The following F9 variants were observed in gnomAD, a reference collection of about 807,000 sequenced individuals.
The protein encoded by F9 is coagulation factor IX, also known as Christmas factor.
Under a neutral mutation model 34.1 loss-of-function variants are expected in F9, and 2 were observed. That is an observed-to-expected ratio of 0.06 (90% confidence interval 0.02 to 0.18). The LOEUF (loss-of-function observed/expected upper bound fraction) is 0.18. F9 is among the 10% of genes least tolerant of loss of function. F9 has a pLI of 1.00. For synonymous variants in F9, 137 were observed against 118.8 expected (o/e 1.15, Z -1.00); for missense variants, 216 against 345.1 (o/e 0.63, Z 2.96).
intron 6 of F9, among the ~76,000 whole-genome samples, chrX:139,553,834 G>A (rs866014060): frequency 1.3e-3 from 75 of 57,390 alleles, no homozygotes; most frequent in Admixed American, 2.0e-3. Flanking sequence ...AAAAAAAAAA[G>A]TCCAAGATTA....
intron 4 of F9, 106 bp downstream of exon 4, chrX:139,541,295 C>T (rs1019266579): frequency 1.5e-5 from 7 of 467,190 alleles, no homozygotes; most frequent in Admixed American, 2.9e-5. Context: ...TAAAAACATA[C>T]CTTTGATGCT....
chrX:139,558,911 A>T (rs4149742), intron 6 of F9, among the ~76,000 whole-genome samples: 3,358 of 112,041 alleles, frequency 0.03, 127 homozygotes, highest in African/African-American at 0.1. Flanking sequence ...ATTGGTCCAC[A>T]GACCATGCCT....
intron 3 of F9, among the ~76,000 whole-genome samples, chrX:139,538,725 CAT>C (rs1414820610): frequency 9.0e-6 from 1 of 111,226 alleles, no homozygotes; most frequent in African/African-American, 3.3e-5. Flanking sequence ...CTTTGAATCA[CAT>C]GATTTATTTC....
intron 6 of F9, among the ~76,000 whole-genome samples, chrX:139,556,844 C>A (rs1047809199): frequency 8.9e-6 from 1 of 112,530 alleles, no homozygotes; most frequent in African/African-American, 3.2e-5. Flanking sequence ...GCATAGCAAG[C>A]TGTACATCAC....
chrX:139,533,464 C>A (rs1275002262), intron 1 of F9, among the ~76,000 whole-genome samples: 1 of 112,388 alleles, frequency 8.9e-6, no homozygotes, highest in East Asian at 2.8e-4. Flanking sequence ...ACAGCAGAAG[C>A]ATTACATATA....
At chrX:139,559,528 C>CA (rs368983615) in intron 6 of F9, among the ~76,000 whole-genome samples, 164 of 96,836 alleles carry the variant, frequency 1.7e-3, no homozygotes, top group African/African-American at 4.5e-3. Context: ...AAGACTCCGT[C>CA]AAAAAAAAAA....
chrX:139,540,084 G>T (rs1444211756), intron 3 of F9, among the ~76,000 whole-genome samples: 2 of 110,747 alleles, frequency 1.8e-5, no homozygotes, highest in African/African-American at 6.6e-5. Context: ...GAGTCTTACA[G>T]ATCAAGCTCC....
intron 6 of F9, among the ~76,000 whole-genome samples, chrX:139,555,351 G>T (rs1418965420): frequency 8.9e-6 from 1 of 112,376 alleles, no homozygotes; most frequent in Admixed American, 9.3e-5. Flanking sequence ...CCCGTCTGCG[G>T]TCACGCTCAT....
At position 139,562,623 on chromosome X, in the gene F9, C is replaced by G. The variant is rs1460610717; in HGVS notation, c.*552C>G. 2.7e-5 allele frequency: 3 copies of G among 112,395 alleles called. No individual in the cohort carries two copies. Among genetic ancestry groups the G allele is most frequent in the African/African-American group, 9.9e-5 (3 of 30,276 alleles). The allele number at this position is 112,395 out of a possible 1,213,427, so 9.3% of individuals were successfully genotyped here. A position where few individuals can be genotyped will look rare whatever the true frequency, so the allele number is the denominator to read the frequency against. ...TTTTACCTTTTCCAAATCCCAATCC[C>G]CAAATCAGTTTTTCTCTTTCTTACT... On this transcript the variant is annotated 3_prime_UTR_variant, in exon 8 of 8. Transcript: ENST00000218099.
intron 6 of F9, among the ~76,000 whole-genome samples, chrX:139,560,165 GC>G (rs1489710270): frequency 8.9e-6 from 1 of 111,916 alleles, no homozygotes; most frequent in Non-Finnish European, 1.9e-5. Context: ...GAATGAATGA[GC>G]CCTGCTATTC....
chrX:139,560,177 C>T (rs1928065491), intron 6 of F9, among the ~76,000 whole-genome samples: 1 of 111,875 alleles, frequency 8.9e-6, no homozygotes, highest in African/African-American at 3.2e-5. Context: ...CCTGCTATTC[C>T]TCACTGCCTG....
At chrX:139,547,131 C>T (rs747307687) in intron 4 of F9, among the ~76,000 whole-genome samples, 5 of 111,639 alleles carry the variant, frequency 4.5e-5, no homozygotes, top group Admixed American at 9.5e-5. Flanking sequence ...CAGTGAAACA[C>T]ACTAGAGTGC....
At chrX:139,542,884 C>T (rs753668316) in intron 4 of F9, among the ~76,000 whole-genome samples, 2 of 111,054 alleles carry the variant, frequency 1.8e-5, no homozygotes, top group Non-Finnish European at 3.8e-5. Context: ...GCCACCACCA[C>T]TCCTGGCCTC....
intron 5 of F9, among the ~76,000 whole-genome samples, chrX:139,549,914 T>C (rs1927803020): frequency 8.9e-6 from 1 of 112,080 alleles, no homozygotes; most frequent in South Asian, 3.7e-4. Context: ...CTTGTTCTTC[T>C]GCCTGGTTCT....
chrX:139,534,413 C>G (rs976909657), intron 1 of F9, among the ~76,000 whole-genome samples: 2 of 112,047 alleles, frequency 1.8e-5, no homozygotes, highest in African/African-American at 6.5e-5. Flanking sequence ...TCTGTCTGAT[C>G]TGATTCTAAA....
At chrX:139,553,739 G>A (rs747807226) in intron 6 of F9, among the ~76,000 whole-genome samples, 95 of 104,212 alleles carry the variant, frequency 9.1e-4, no homozygotes, top group East Asian at 3.7e-3. Context: ...CGTGAACCGG[G>A]GAGGCGGAGC....
chrX:139,561,903 A>G lies in F9; in HGVS notation c.1218A>G (p.Ser406=), dbSNP rs916632342. Residue 406 remains serine, a synonymous_variant, in exon 8 of 8, where the codon TCA becomes TCG. Coordinates refer to ENST00000218099, the MANE Select transcript of F9 (RefSeq NM_000133.4). The part of the protein sequence containing the change: ...CAGFHEGGRD[S]CQGDSGGPHV... ...GCTTCCATGAAGGAGGTAGAGATTC[A>G]TGTCAAGGAGATAGTGGGGGACCCC... 1.7e-5 allele frequency: 21 copies of G among 1,210,324 alleles called. No homozygotes were observed. The highest frequency in any genetic ancestry group is 7.8e-6 in the Non-Finnish European group (7 of 895,334).
chrX:139,548,889 T>C (rs1027347530), intron 5 of F9, among the ~76,000 whole-genome samples: 4 of 112,106 alleles, frequency 3.6e-5, no homozygotes, highest in Non-Finnish European at 7.5e-5. Flanking sequence ...CATGATTCTA[T>C]CTGGGCTGGC....
intron 7 of F9, among the ~76,000 whole-genome samples, chrX:139,561,223 A>C (rs1928093742): frequency 8.9e-6 from 1 of 111,750 alleles, no homozygotes; most frequent in Admixed American, 9.5e-5. Context: ...TGTGCTCAAA[A>C]AAGGGGTGAG....
Sources: allele counts gnomAD v4.1 joint callset (sites outside exome capture counted in the v4.1 genomes callset), GRCh38; gene constraint gnomAD v4.1.1; transcripts MANE v1.5; gene names NCBI Gene and HGNC (gene_info 2026-07-23, HGNC 2026-07-21).